Variants in SHANK2 observed in about 807,000 individuals in gnomAD.
SHANK2 encodes the protein SH3 and multiple ankyrin repeat domains protein 2.
A neutral mutation model predicts 133.7 loss-of-function variants in SHANK2; 43 were observed. The ratio of observed to expected loss-of-function variants is 0.32; its 90% CI spans 0.25 to 0.41. SHANK2 has a LOEUF of 0.41. SHANK2 is among the 10% of genes least tolerant of loss of function. The pLI, the probability that SHANK2 is intolerant of heterozygous loss-of-function variation, is 1.00. For synonymous variants in SHANK2, 1,017 were observed against 952.8 expected, an observed-to-expected ratio of 1.07 and a Z score of -1.24; for missense variants, 1,994 against 2,235.8, an observed-to-expected ratio of 0.89 and a Z score of 2.18.
At chr11:70,812,155 C>T (rs1948294003) in intron 12 of SHANK2, among the ~76,000 whole-genome samples, 1 of 152,242 alleles carries the variant, frequency 6.6e-6, no homozygotes, top group African/African-American at 2.4e-5. Flanking sequence ...TGTCACTTGA[C>T]AGAGAAGTCA....
At chr11:71,139,899 C>T (rs1428014005) in intron 3 of SHANK2, among the ~76,000 whole-genome samples, 1 of 152,234 alleles carries the variant, frequency 6.6e-6, no homozygotes, top group Non-Finnish European at 1.5e-5. Flanking sequence ...ACAGCACTCA[C>T]TCGGCCAGCA....
chr11:70,494,004 C>T (rs1555156546), intron 21 of SHANK2, among the ~76,000 whole-genome samples: 1 of 152,218 alleles, frequency 6.6e-6, no homozygotes, highest in Admixed American at 6.5e-5. Flanking sequence ...ACGGGCAAAG[C>T]TCCCAGAGCC....
At chr11:70,478,111 C>T (rs1004293149) in intron 25 of SHANK2, among the ~76,000 whole-genome samples, 1 of 151,430 alleles carries the variant, frequency 6.6e-6, no homozygotes, top group Non-Finnish European at 1.5e-5. Context: ...TCAGTCAGTA[C>T]AAGTTAATTG....
intron 8 of SHANK2, among the ~76,000 whole-genome samples, chr11:71,081,930 C>G (rs1310268926): frequency 1.3e-5 from 2 of 152,174 alleles, no homozygotes; most frequent in Non-Finnish European, 2.9e-5. Context: ...TGGCAGGGAC[C>G]CCACACTCTC....
Position 70,661,749 on chromosome 11 carries a change from C to T in SHANK2, c.1854-71G>A. The stretch of plus-strand genomic sequence containing the variant: ...ATCATCACCGCGGCCGCTCCTCCGC[C>T]GGGGACGTTCATCATCATAGCCAAT... On this transcript the variant is annotated intron_variant, in intron 15 of 25. Transcript: ENST00000601538. 6 of 1,614,110 alleles carry T rather than the reference C, an allele frequency of 3.7e-6. No individual in the cohort carries two copies. The African/African-American group carries it at 4.0e-5, about 11-fold the overall frequency.
intron 15 of SHANK2, among the ~76,000 whole-genome samples, chr11:70,674,289 C>G (rs544072279): frequency 6.6e-6 from 1 of 152,204 alleles, no homozygotes; most frequent in African/African-American, 2.4e-5. Flanking sequence ...CTCAGGCATC[C>G]ATTACTGCAA....
Position 71,126,725 on chromosome 11 carries a change from C to CTT in SHANK2, c.208-7695_208-7694dup, listed in dbSNP as rs200961805. Among the ~76,000 whole-genome samples, 602 of 130,268 alleles carry CTT rather than the reference C, an allele frequency of 4.6e-3. 5 individuals carry two copies. The highest frequency in any genetic ancestry group is 0.014 in the African/African-American group (487 of 34,708). 85.5% of individuals were successfully genotyped at this position (130,268 alleles called of 152,430 possible). On this transcript the variant is annotated intron_variant, in intron 3 of 25. Coordinates refer to ENST00000601538, the MANE Select transcript of SHANK2 (RefSeq NM_012309.5). ...AGTTGATTCCAACCCTCATAAACGA[C>CTT]TTTTTTTTTTTTTTTTTTTGAGATG...
At chr11:70,557,105 C>T (rs1250432748) in intron 17 of SHANK2, among the ~76,000 whole-genome samples, 1 of 152,144 alleles carries the variant, frequency 6.6e-6, no homozygotes, top group Non-Finnish European at 1.5e-5. Context: ...CAACCACTTC[C>T]ATATTTCAAG....
chr11:71,069,751 T>G (rs977833895), intron 9 of SHANK2, among the ~76,000 whole-genome samples: 76 of 152,320 alleles, frequency 5.0e-4, no homozygotes, highest in Non-Finnish European at 9.1e-4. Context: ...CAGACCACCA[T>G]GCCTCTTTGA....
intron 12 of SHANK2, among the ~76,000 whole-genome samples, chr11:70,815,932 C>A (rs920360817): frequency 2.6e-5 from 4 of 152,186 alleles, no homozygotes; most frequent in Non-Finnish European, 5.9e-5. Flanking sequence ...TGGCCAGTCG[C>A]CTCCCTGCCC....
At chr11:71,189,650 T>C (rs1247192186) in intron 2 of SHANK2, among the ~76,000 whole-genome samples, 1 of 152,234 alleles carries the variant, frequency 6.6e-6, no homozygotes, top group African/African-American at 2.4e-5. Context: ...TTCGCCCGCG[T>C]TGGCCTCCCA....
At chr11:70,815,614 G>C (rs1462190113) in intron 12 of SHANK2, among the ~76,000 whole-genome samples, 1 of 152,198 alleles carries the variant, frequency 6.6e-6, no homozygotes, top group Non-Finnish European at 1.5e-5. Context: ...AGCTGGCTCA[G>C]GGCAGCTTCG....
At chr11:71,212,472 G>T (rs1231281908) in intron 2 of SHANK2, among the ~76,000 whole-genome samples, 3 of 152,140 alleles carry the variant, frequency 2.0e-5, no homozygotes, top group Non-Finnish European at 4.4e-5. Flanking sequence ...AACAAGCCTC[G>T]TTCCTCCTCT....
At chr11:70,598,926 CAA>C (rs61220609) in intron 17 of SHANK2, among the ~76,000 whole-genome samples, 18 of 113,078 alleles carry the variant, frequency 1.6e-4, no homozygotes, top group Middle Eastern at 4.4e-3. Context: ...AGCTGCATGT[CAA>C]AAAAAAAAAA....
chr11:71,068,082 CCATCATCACAAT>C (rs1951091799), intron 9 of SHANK2, among the ~76,000 whole-genome samples: 1 of 152,076 alleles, frequency 6.6e-6, no homozygotes, highest in Non-Finnish European at 1.5e-5. Flanking sequence ...ACCATCACCA[CCATCATCACAAT>C]CATCATCACC....
At chr11:70,566,313 C>T (rs2059967733) in intron 17 of SHANK2, 1 of 152,178 alleles carries the variant, frequency 6.6e-6, no homozygotes, top group African/African-American at 2.4e-5. Context: ...AAGCTTCTGC[C>T]ATCGTCCATC....
rs185528844 is a variant in SHANK2 at position 70,483,885 on chromosome 11, A to G, written c.4979+1429T>C. The stretch of plus-strand genomic sequence containing the variant: ...TCCTTTAGAGTAATAGATGACATCC[A>G]AGTCATTTATTTACATCCACACTGA... On this transcript the variant is annotated intron_variant, in intron 25 of 25. Transcript: ENST00000601538. 3.3e-4 allele frequency among the ~76,000 whole-genome samples: 50 copies of G among 152,312 alleles called. No individual in the cohort carries two copies. In the South Asian group the frequency reaches 5.0e-3, roughly 15 times the overall value.
At chr11:71,171,807 C>T (rs1281690415) in intron 2 of SHANK2, among the ~76,000 whole-genome samples, 2 of 152,360 alleles carry the variant, frequency 1.3e-5, no homozygotes, top group South Asian at 2.1e-4. Context: ...CTAATCCCAT[C>T]GGATTAATCA....
intron 11 of SHANK2, chr11:70,895,504 A>G (rs1306724681): frequency 1.3e-5 from 2 of 152,580 alleles, no homozygotes; most frequent in African/African-American, 4.8e-5. Flanking sequence ...GGCCCAGCCG[A>G]TGGCAGGGCG....
Sources: allele counts gnomAD v4.1 joint callset (sites outside exome capture counted in the v4.1 genomes callset), GRCh38; gene constraint gnomAD v4.1.1; transcripts MANE v1.5; gene names NCBI Gene and HGNC (gene_info 2026-07-23, HGNC 2026-07-21).